Variants in ACTR3C observed in about 807,000 individuals in gnomAD.
ACTR3C encodes the protein actin related protein 3C.
A neutral mutation model predicts 26.3 loss-of-function variants in ACTR3C; 18 were observed. That is an observed-to-expected ratio of 0.68 (90% confidence interval 0.47 to 1.01). ACTR3C has a LOEUF of 1.01. Ranked by LOEUF, ACTR3C falls within the 50% of genes least tolerant of loss-of-function variation. The probability of loss-of-function intolerance (pLI) is 0.00; values close to 1 mark genes in which losing one functional copy is unlikely to be tolerated. For missense variants in ACTR3C, 184 were observed against 250.7 expected (o/e 0.73, Z 1.80); for synonymous variants, 55 against 94.5 (o/e 0.58, Z 2.42).
At chr7:150,289,727 C>T in intron 3 of ACTR3C, 134 bp from the exon 4 acceptor site, 1 of 1,487,012 alleles carries the variant, frequency 6.7e-7, no homozygotes. Context: ...AGAATCCCCA[C>T]CCTCTGCAAG....
the ACTR3C span, among the ~76,000 whole-genome samples, chr7:149,996,199 C>T: frequency 0.028 from 4,290 of 151,700 alleles, 35 homozygotes; most frequent in East Asian, 0.25. Flanking sequence ...GGTCTTGCCC[C>T]GAGTGTGGCT....
chr7:150,111,892 G>T, the ACTR3C span, among the ~76,000 whole-genome samples: 1 of 151,316 alleles, frequency 6.6e-6, no homozygotes, highest in African/African-American at 2.4e-5. Flanking sequence ...CACCACTCCC[G>T]GCGCGCTGGC....
At chr7:150,036,710 G>C in the ACTR3C span, among the ~76,000 whole-genome samples, 19,118 of 131,504 alleles carry the variant, frequency 0.15, 4,728 homozygotes, top group South Asian at 0.26. Flanking sequence ...TTCTGTTCCC[G>C]AGCTGGAGCT....
the ACTR3C span, among the ~76,000 whole-genome samples, chr7:149,887,020 T>C: frequency 1.4e-5 from 2 of 147,936 alleles, no homozygotes; most frequent in South Asian, 4.3e-4. Context: ...AAGAGATGAG[T>C]AGGGCAATGA....
intron 6 of ACTR3C, among the ~76,000 whole-genome samples, chr7:150,277,905 T>G (rs1276277547): frequency 6.6e-6 from 1 of 152,146 alleles, no homozygotes; most frequent in African/African-American, 2.4e-5. Flanking sequence ...TGGGTCACAT[T>G]ACACTCCTGC....
the ACTR3C span, among the ~76,000 whole-genome samples, chr7:150,189,392 C>G: frequency 6.6e-6 from 1 of 152,166 alleles, no homozygotes; most frequent in Non-Finnish European, 1.5e-5. Context: ...CCCCAAATAT[C>G]TTGTGTGTGC....
the ACTR3C span, among the ~76,000 whole-genome samples, chr7:150,110,406 G>A: frequency 2.7e-3 from 404 of 146,972 alleles, 7 homozygotes; most frequent in African/African-American, 1.0e-2. Flanking sequence ...TGGCAGGGGC[G>A]GGACTGCTCA....
intron 1 of ACTR3C, among the ~76,000 whole-genome samples, chr7:150,300,525 C>T (rs1206587127): frequency 6.6e-6 from 1 of 151,910 alleles, no homozygotes; most frequent in Non-Finnish European, 1.5e-5. Flanking sequence ...TCTTCCAGCA[C>T]CTTTTCAGTT....
the ACTR3C span, among the ~76,000 whole-genome samples, chr7:150,019,040 T>C: frequency 0.013 from 1,960 of 150,320 alleles, 199 homozygotes; most frequent in African/African-American, 0.046. Context: ...CTCATTGTGG[T>C]GCTAAAATTT....
chr7:149,885,720 C>T, the ACTR3C span, among the ~76,000 whole-genome samples: 459 of 152,384 alleles, frequency 3.0e-3, 5 homozygotes, highest in African/African-American at 0.01. Context: ...TTCTGTGTCC[C>T]ACACAGCAGG....
At chr7:150,154,357 T>G in the ACTR3C span, among the ~76,000 whole-genome samples, 3 of 152,100 alleles carry the variant, frequency 2.0e-5, no homozygotes, top group South Asian at 6.2e-4. Flanking sequence ...AAATAAATCT[T>G]TGTTTTGGTC....
the ACTR3C span, among the ~76,000 whole-genome samples, chr7:150,097,763 C>T: frequency 2.0e-5 from 3 of 151,372 alleles, no homozygotes; most frequent in Admixed American, 2.0e-4. Flanking sequence ...CAGACTCAAG[C>T]AGAGCTGGGC....
At chr7:150,116,044 C>T in the ACTR3C span, among the ~76,000 whole-genome samples, 1 of 152,146 alleles carries the variant, frequency 6.6e-6, no homozygotes, top group East Asian at 1.9e-4. Flanking sequence ...GAGCACTCCA[C>T]ATATAAAAAG....
chr7:150,037,758 G>A, the ACTR3C span, among the ~76,000 whole-genome samples: 5 of 43,612 alleles, frequency 1.1e-4, no homozygotes, highest in African/African-American at 2.9e-4. Flanking sequence ...CCCCACCCTC[G>A]CGGGGGGTGC....
chr7:150,081,213 G>A, the ACTR3C span, among the ~76,000 whole-genome samples: 1 of 150,528 alleles, frequency 6.6e-6, no homozygotes, highest in East Asian at 1.9e-4. Flanking sequence ...AGGGAAGGAG[G>A]GAAGGAAGAG....
intron 6 of ACTR3C, among the ~76,000 whole-genome samples, chr7:150,258,719 A>C (rs185480009): frequency 1.3e-5 from 2 of 150,758 alleles, no homozygotes; most frequent in African/African-American, 4.9e-5. Flanking sequence ...ACAATATTGT[A>C]TCCTGGGAGA....
At chr7:150,311,677 T>C (rs1796337565) in intron 1 of ACTR3C, among the ~76,000 whole-genome samples, 1 of 152,130 alleles carries the variant, frequency 6.6e-6, no homozygotes, top group African/African-American at 2.4e-5. Flanking sequence ...ATTTTTCCAA[T>C]CCCAAACCCA....
chr7:150,145,321 C>A, the ACTR3C span, among the ~76,000 whole-genome samples: 1 of 152,088 alleles, frequency 6.6e-6, no homozygotes, highest in Non-Finnish European at 1.5e-5. Context: ...ATAAATATGA[C>A]CAATGGAGAA....
chr7:150,212,686 A>G, the ACTR3C span, among the ~76,000 whole-genome samples: 1 of 152,238 alleles, frequency 6.6e-6, no homozygotes, highest in South Asian at 2.1e-4. Context: ...TGAACTAGAC[A>G]TGCCCTTGCT....
Sources: allele counts gnomAD v4.1 joint callset (sites outside exome capture counted in the v4.1 genomes callset), GRCh38; gene constraint gnomAD v4.1.1; transcripts MANE v1.5; gene names NCBI Gene and HGNC (gene_info 2026-07-23, HGNC 2026-07-21).